The following CEP112 variants were observed in gnomAD, a reference collection of about 807,000 sequenced individuals.
CEP112 encodes the protein centrosomal protein of 112 kDa.
Under a neutral mutation model 153.0 loss-of-function variants are expected in CEP112, and 127 were observed. The observed-to-expected ratio is 0.83, with a 90% CI of 0.72 to 0.96. The LOEUF (loss-of-function observed/expected upper bound fraction) is 0.96, where lower values mean the gene tolerates loss of function less well. Ranked by LOEUF, CEP112 falls within the 40% of genes least tolerant of loss-of-function variation. CEP112 has a pLI of 0.00. For synonymous variants in CEP112, 358 were observed against 374.4 expected (o/e 0.96, Z 0.51); for missense variants, 1,089 against 1,101.2 (o/e 0.99, Z 0.16).
chr17:65,883,843 T>C (rs752001975), intron 20 of CEP112, among the ~76,000 whole-genome samples: 2 of 152,060 alleles, frequency 1.3e-5, no homozygotes, highest in Non-Finnish European at 2.9e-5. Context: ...TGGGTGGCAG[T>C]GAATAAAGTG....
At chr17:65,798,544 T>G (rs1036796237) in intron 21 of CEP112, among the ~76,000 whole-genome samples, 5 of 152,314 alleles carry the variant, frequency 3.3e-5, no homozygotes, top group African/African-American at 1.2e-4. Flanking sequence ...TCTAGGGATA[T>G]CTCCCTACTC....
At chr17:65,817,604 T>C (rs1407109301) in intron 21 of CEP112, among the ~76,000 whole-genome samples, 2 of 151,918 alleles carry the variant, frequency 1.3e-5, no homozygotes, top group Non-Finnish European at 2.9e-5. Flanking sequence ...TTTATAAAAA[T>C]TGGACAAATT....
chr17:66,175,422 ACTGT>A (rs1223894841), intron 3 of CEP112, among the ~76,000 whole-genome samples: 6 of 152,316 alleles, frequency 3.9e-5, no homozygotes, highest in South Asian at 2.1e-4. Context: ...GTTGCACTCT[ACTGT>A]CTAAGAAATA....
chr17:65,966,805 G>A (rs576035718), intron 17 of CEP112, among the ~76,000 whole-genome samples: 3 of 152,310 alleles, frequency 2.0e-5, no homozygotes, highest in African/African-American at 7.2e-5. Context: ...AAACCCTGTA[G>A]ACAGCTAAAC....
intron 12 of CEP112, among the ~76,000 whole-genome samples, chr17:66,049,290 C>CA (rs1416785916): frequency 1.8e-4 from 27 of 151,290 alleles, no homozygotes; most frequent in East Asian, 3.9e-4. Context: ...CTAGATACCT[C>CA]AAAAAAAACA....
In CEP112 at chr17:65,637,198, A is replaced by C. The variant is rs1301865752; in HGVS notation, c.2800-10T>G. Reference sequence around the variant, plus strand: ...TTTGCAGAAAATTAACCTAGAAAAGACACCTTGTGTGAGAAGAGGTGGACG... The same window carrying C: ...TTTGCAGAAAATTAACCTAGAAAAGCCACCTTGTGTGAGAAGAGGTGGACG... On this transcript the variant is annotated splice_polypyrimidine_tract_variant and intron_variant, in intron 25 of 26. Transcript: ENST00000535342. 1.1e-5 allele frequency: 18 copies of C among 1,609,540 alleles called. No individual in the cohort carries two copies. The highest frequency in any genetic ancestry group is 1.4e-5 in the Non-Finnish European group (16 of 1,175,962).
chr17:66,176,185 T>C (rs555482174), intron 3 of CEP112, among the ~76,000 whole-genome samples: 1 of 152,184 alleles, frequency 6.6e-6, no homozygotes, highest in Non-Finnish European at 1.5e-5. Context: ...AAAATACATA[T>C]ATATCCTAAC....
chr17:66,035,002 A>T (rs1212292150), intron 12 of CEP112, among the ~76,000 whole-genome samples: 2 of 108,452 alleles, frequency 1.8e-5, no homozygotes, highest in South Asian at 4.3e-4. Flanking sequence ...ACATATATAT[A>T]TATATATTTT....
At chr17:66,138,761 CAAA>C (rs1023135265) in intron 4 of CEP112, among the ~76,000 whole-genome samples, 25 of 151,576 alleles carry the variant, frequency 1.6e-4, no homozygotes, top group South Asian at 1.2e-3. Context: ...CATCAAATCA[CAAA>C]GAAATATAAG....
chr17:65,657,963 G>A (rs943043272), intron 24 of CEP112, among the ~76,000 whole-genome samples: 1 of 152,206 alleles, frequency 6.6e-6, no homozygotes, highest in Middle Eastern at 3.2e-3. Flanking sequence ...TAAAGGTTAT[G>A]TCAACAAATT....
At chr17:65,826,333 T>G (rs1329973516) in intron 21 of CEP112, 1 of 1,613,264 alleles carries the variant, frequency 6.2e-7, no homozygotes, top group Non-Finnish European at 8.5e-7. Flanking sequence ...TCAGAAGCAG[T>G]GATGAGAGCC....
chr17:65,675,834 C>G (rs956432186), intron 24 of CEP112, among the ~76,000 whole-genome samples: 3 of 151,714 alleles, frequency 2.0e-5, no homozygotes, highest in Admixed American at 2.0e-4. Context: ...ACTGCATTCA[C>G]TGAATAAGAA....
rs2072499689 is a variant in CEP112, at chr17:66,176,890, A to C, written c.237T>G (p.Leu79=). 6.2e-7 allele frequency: 1 copy of C among 1,613,770 alleles called. No homozygotes were observed. Among genetic ancestry groups the C allele is most frequent in the Non-Finnish European group, 8.5e-7 (1 of 1,179,888 alleles). Residue 79 remains leucine, a synonymous_variant, in exon 3 of 27, where the codon CTT becomes CTG. Coordinates refer to ENST00000535342, the MANE Select transcript of CEP112 (RefSeq NM_001199165.4). The stretch of plus-strand genomic sequence containing the variant: ...CAGGTCGGTGTGTAAAAGGGCCTTC[A>C]AGCGCACCTCGTTTAAGCATATGCA... ...LLLHMLKRGA[L]EGPFTHRPEP... is the part of the protein sequence containing the mutation.
intron 20 of CEP112, among the ~76,000 whole-genome samples, chr17:65,887,285 C>T (rs1369396042): frequency 6.6e-6 from 1 of 152,150 alleles, no homozygotes; most frequent in East Asian, 1.9e-4. Flanking sequence ...ACATAAGTGC[C>T]TCCTCCCAGA....
chr17:66,109,619 A>G (rs1028721946), intron 6 of CEP112, among the ~76,000 whole-genome samples: 1 of 152,090 alleles, frequency 6.6e-6, no homozygotes, highest in African/African-American at 2.4e-5. Context: ...GCTTCATCAA[A>G]AGATTAGGGC....
intron 23 of CEP112, among the ~76,000 whole-genome samples, chr17:65,711,896 C>A (rs984357953): frequency 1.3e-5 from 2 of 152,188 alleles, no homozygotes; most frequent in Non-Finnish European, 2.9e-5. Context: ...CATAACTCCC[C>A]CGACACTTTG....
intron 4 of CEP112, among the ~76,000 whole-genome samples, chr17:66,156,030 C>T (rs923666200): frequency 6.6e-6 from 1 of 152,202 alleles, no homozygotes; most frequent in African/African-American, 2.4e-5. Context: ...TGTTTGAGCT[C>T]TGCTAAGGGA....
In CEP112 at chr17:66,092,226, G is replaced by C. The variant is rs957053838; in HGVS notation, c.768+4025C>G. On this transcript the variant is annotated intron_variant, in intron 8 of 26. Transcript: ENST00000535342. ...AACTAATTTTTGTATTTTTCATAGAGATGGGGTTTCACCATGTTGGCAAGG... is the reference window on the plus strand; with the variant it reads ...AACTAATTTTTGTATTTTTCATAGACATGGGGTTTCACCATGTTGGCAAGG... Among the ~76,000 whole-genome samples the C allele has an allele frequency of 7.2e-5, 11 of 151,826 alleles. 1 individual carries two copies. Among genetic ancestry groups the C allele is most frequent in the Non-Finnish European group, 1.3e-4 (9 of 67,926 alleles).
At chr17:65,950,228 AGTG>A (rs2061777825) in intron 18 of CEP112, among the ~76,000 whole-genome samples, 1 of 152,136 alleles carries the variant, frequency 6.6e-6, no homozygotes, top group African/African-American at 2.4e-5. Flanking sequence ...AAACTTTACT[AGTG>A]AAAATAAAGA....
Sources: gnomAD v4.1 joint callset for allele counts (sites outside exome capture counted in the v4.1 genomes callset) on GRCh38, gnomAD v4.1.1 for gene constraint, MANE v1.5 for transcripts, NCBI Gene and HGNC (gene_info 2026-07-23, HGNC 2026-07-21) for gene names.